Variants in PCDHA6 observed in about 807,000 individuals in gnomAD.
PCDHA6 encodes protocadherin alpha-6.
A neutral mutation model predicts 60.3 loss-of-function variants in PCDHA6; 55 were observed. That is an observed-to-expected ratio of 0.91 (90% CI 0.73 to 1.14). The LOEUF is 1.14. Ranked by LOEUF, PCDHA6 falls within the 50% of genes most tolerant of loss-of-function variation. PCDHA6 has a pLI of 0.00. For missense variants in PCDHA6, 1,327 were observed against 1,256.5 expected (o/e 1.06, Z -0.85); for synonymous variants, 652 against 557.9 (o/e 1.17, Z -2.38).
chr5:140,841,754 T>C (rs1777466378), intron 1 of PCDHA6: 2 of 1,613,818 alleles, frequency 1.2e-6, no homozygotes, highest in South Asian at 2.2e-5. Context: ...TGTTTCAGAA[T>C]CCAGAATGCC....
At chr5:140,860,585 A>G (rs782000527) in intron 1 of PCDHA6, 1 of 152,230 alleles carries the variant, frequency 6.6e-6, no homozygotes, top group African/African-American at 2.4e-5. Flanking sequence ...AAGGTATAGG[A>G]AAGGAGTTGG....
chr5:140,877,076 T>G, intron 1 of PCDHA6: 1 of 1,613,022 alleles, frequency 6.2e-7, no homozygotes, highest in Non-Finnish European at 8.5e-7. Context: ...CAGTTCCAGG[T>G]GAGCGCGCGC....
chr5:141,009,539 C>T, intron 3 of PCDHA6, 88 bp from the exon 4 acceptor site: 1 of 1,522,752 alleles, frequency 6.6e-7, no homozygotes, highest in Non-Finnish European at 8.8e-7. Flanking sequence ...TTCAGCCTGC[C>T]TATGCAGTAC....
rs2150270290 is a variant in PCDHA6, at chr5:140,836,802, A to T, written c.2394+6317A>T. ...CAATTAGTTCAATTGGTCTCCTTAA[A>T]TTTTCTTTCATAATTTCTTTTTTAG... is the stretch of plus-strand genomic sequence containing the variant. On this transcript the variant is annotated intron_variant, in intron 1 of 3. Coordinates refer to ENST00000529310, the MANE Select transcript of PCDHA6 (RefSeq NM_018909.4). 6 of 1,309,186 alleles carry T rather than the reference A, an allele frequency of 4.6e-6. No homozygotes were observed. In the African/African-American group the frequency reaches 7.5e-5, roughly 16 times the overall value. 81.1% of individuals were successfully genotyped at this position (1,309,186 alleles called of 1,614,324 possible). A position where few individuals can be genotyped will look rare whatever the true frequency, so the allele number is the denominator to read the frequency against.
At chr5:140,850,464 C>A (rs2041620287) in intron 1 of PCDHA6, 1 of 1,597,872 alleles carries the variant, frequency 6.3e-7, no homozygotes, top group Non-Finnish European at 8.6e-7. Flanking sequence ...CCACGGGGAG[C>A]CAGCGCTGAC....
intron 1 of PCDHA6, among the ~76,000 whole-genome samples, chr5:140,963,141 A>T (rs2095739692): frequency 6.6e-6 from 1 of 152,148 alleles, no homozygotes; most frequent in Non-Finnish European, 1.5e-5. Flanking sequence ...AATTATTTGG[A>T]TGAATTTAAA....
chr5:140,907,708 C>T (rs1477501652), intron 1 of PCDHA6, among the ~76,000 whole-genome samples: 1 of 152,142 alleles, frequency 6.6e-6, no homozygotes, highest in East Asian at 1.9e-4. Flanking sequence ...TGTTGCTGAG[C>T]CCATGTGTAA....
chr5:140,880,747 T>C (rs555658670), intron 1 of PCDHA6, among the ~76,000 whole-genome samples: 16 of 152,334 alleles, frequency 1.1e-4, no homozygotes, highest in African/African-American at 3.8e-4. Context: ...GGATTGTCAG[T>C]GTAACTGCGT....
At chr5:140,972,925 G>T (rs1297920795) in intron 1 of PCDHA6, among the ~76,000 whole-genome samples, 1 of 152,120 alleles carries the variant, frequency 6.6e-6, no homozygotes, top group Non-Finnish European at 1.5e-5. Context: ...GCCTCCCAAA[G>T]TGCTGGGATT....
chr5:140,973,674 T>A (rs782774613), intron 1 of PCDHA6, among the ~76,000 whole-genome samples: 10 of 152,264 alleles, frequency 6.6e-5, no homozygotes, highest in Non-Finnish European at 1.3e-4. Flanking sequence ...GTAGCTTGAA[T>A]GTCATTGGCC....
At chr5:140,841,181 C>A (rs1777072934) in intron 1 of PCDHA6, 2 of 1,156,492 alleles carry the variant, frequency 1.7e-6, no homozygotes, top group Non-Finnish European at 2.4e-6. Flanking sequence ...GGTCAATGTT[C>A]AAAGTCTTTT....
At chr5:140,926,217 T>C (rs1201243643) in intron 1 of PCDHA6, among the ~76,000 whole-genome samples, 1 of 151,994 alleles carries the variant, frequency 6.6e-6, no homozygotes, top group African/African-American at 2.4e-5. Flanking sequence ...CCTGTTTCCT[T>C]AAGCCTAGAA....
chr5:140,883,724 G>T (rs1174982763), intron 1 of PCDHA6: 2 of 1,613,492 alleles, frequency 1.2e-6, no homozygotes, highest in Non-Finnish European at 1.7e-6. Context: ...GGACGCACAG[G>T]AGAACGCGCT....
chr5:140,863,356 CGGT>C, intron 1 of PCDHA6: 1 of 1,255,142 alleles, frequency 8.0e-7, no homozygotes, highest in Non-Finnish European at 1.1e-6. Flanking sequence ...CACGACGCTG[CGGT>C]GCTTGGCGCA....
chr5:140,974,720 C>T (rs1554236283), intron 1 of PCDHA6, among the ~76,000 whole-genome samples: 1 of 152,070 alleles, frequency 6.6e-6, no homozygotes, highest in African/African-American at 2.4e-5. Context: ...AAGCTGCTCT[C>T]GAACTCCTGT....
At chr5:140,907,071 C>T (rs1220660624) in intron 1 of PCDHA6, among the ~76,000 whole-genome samples, 1 of 152,156 alleles carries the variant, frequency 6.6e-6, no homozygotes, top group African/African-American at 2.4e-5. Flanking sequence ...TAGTGGGTCA[C>T]TAGGGGTGAT....
intron 1 of PCDHA6, chr5:140,862,842 G>A (rs1554157108): frequency 1.7e-6 from 1 of 572,982 alleles, no homozygotes. Flanking sequence ...CGGGCATGCC[G>A]CCTCTGAGCA....
rs2150182827 is a variant in PCDHA6, at chr5:140,830,214, C to G, written c.2123C>G (p.Ser708Cys). 2.5e-6 allele frequency: 4 copies of G among 1,613,730 alleles called. No homozygotes were observed. The highest frequency in any genetic ancestry group is 3.4e-6 in the Non-Finnish European group (4 of 1,179,916). ...VYLIIAICAV[S>C]SLLVLTLLLY... is the part of the protein sequence containing the mutation. ...CTGATCATCGCCATCTGCGCGGTATCCAGCCTGCTGGTCCTCACGCTACTG... is the reference window on the plus strand; with the variant it reads ...CTGATCATCGCCATCTGCGCGGTATGCAGCCTGCTGGTCCTCACGCTACTG... Residue 708 changes from serine (S) to cysteine (C), a missense_variant, in exon 1 of 4, where the codon TCC becomes TGC. Ser to Cys is a moderately radical substitution (Grantham distance 112, BLOSUM62 -1). Coordinates refer to ENST00000529310, the MANE Select transcript of PCDHA6 (RefSeq NM_018909.4).
At chr5:141,006,678 T>C (rs1554260866) in intron 3 of PCDHA6, among the ~76,000 whole-genome samples, 1 of 151,754 alleles carries the variant, frequency 6.6e-6, no homozygotes, top group Non-Finnish European at 1.5e-5. Flanking sequence ...GCAGTGAAAA[T>C]TGGGAGAAGA....
Sources: allele counts gnomAD v4.1 joint callset (sites outside exome capture counted in the v4.1 genomes callset), GRCh38; gene constraint gnomAD v4.1.1; transcripts MANE v1.5; gene names NCBI Gene and HGNC (gene_info 2026-07-23, HGNC 2026-07-21).